PCDHGA7: variants seen among roughly 807,000 people sequenced by gnomAD.
PCDHGA7 encodes protocadherin gamma-A7.
PCDHGA7 carries 44 observed loss-of-function variants against 58.3 expected under a neutral mutation model. The ratio of observed to expected loss-of-function variants is 0.75; its 90% CI spans 0.59 to 0.97. PCDHGA7 has a LOEUF of 0.97. PCDHGA7 is among the 50% of genes least tolerant of loss of function. PCDHGA7 has a pLI of 0.00. For synonymous variants in PCDHGA7, 516 were observed against 504.2 expected, an observed-to-expected ratio of 1.02 and a Z score of -0.31; for missense variants, 1,266 against 1,188.7, an observed-to-expected ratio of 1.06 and a Z score of -0.96.
intron 1 of PCDHGA7, chr5:141,419,646 C>T (rs1433992932): frequency 6.2e-7 from 1 of 1,612,470 alleles, no homozygotes; most frequent in Admixed American, 1.7e-5. Flanking sequence ...GCCGTGGACG[C>T]GGACTCGGGG....
intron 1 of PCDHGA7, chr5:141,393,111 C>T (rs762190466): frequency 1.2e-6 from 2 of 1,613,380 alleles, no homozygotes; most frequent in African/African-American, 2.7e-5. Context: ...CGCTCAGAGC[C>T]CGCGGTGTCT....
chr5:141,400,402 G>T (rs574141234), intron 1 of PCDHGA7: 2 of 1,614,056 alleles, frequency 1.2e-6, no homozygotes, highest in South Asian at 2.2e-5. Context: ...AGGAAAGACG[G>T]AGTTTAATTT....
At chr5:141,390,409 A>C in intron 1 of PCDHGA7, 2 of 1,247,634 alleles carry the variant, frequency 1.6e-6, no homozygotes, top group East Asian at 2.4e-5. Context: ...GGAAAGTTGT[A>C]GTCAGTTAAA....
At chr5:141,402,993 T>C (rs762604393) in intron 1 of PCDHGA7, 3 of 1,613,752 alleles carry the variant, frequency 1.9e-6, no homozygotes, top group Non-Finnish European at 2.5e-6. Context: ...GGAAGATTAG[T>C]CCTGCTATGC....
At position 141,491,539 on chromosome 5, in the gene PCDHGA7, A is replaced by G; in HGVS notation, c.2425-3268A>G. ...GTACATGGAGGTGACGCTGCGGCCC[A>G]CAGACTCGCAGAGCCACTGCTACAG... On this transcript the variant is annotated intron_variant, in intron 1 of 3. Coordinates refer to ENST00000518325, the MANE Select transcript of PCDHGA7 (RefSeq NM_018920.4). This position sits in a 1 kb window ranked among gnomAD's most constrained non-coding sequence, Gnocchi z 6.9. The G allele has an allele frequency of 6.2e-7, 1 of 1,613,968 alleles. No homozygotes were observed. The highest frequency in any genetic ancestry group is 1.1e-5 in the South Asian group (1 of 91,074).
intron 1 of PCDHGA7, chr5:141,430,974 C>G: frequency 6.2e-7 from 1 of 1,613,072 alleles, no homozygotes; most frequent in East Asian, 2.2e-5. Flanking sequence ...AGAGGTAGGA[C>G]GCAGCTTTTC....
At chr5:141,420,218 C>T (rs762476625) in intron 1 of PCDHGA7, 11 of 1,608,290 alleles carry the variant, frequency 6.8e-6, no homozygotes, top group Admixed American at 1.7e-5. Flanking sequence ...AGATAGCATG[C>T]TACTGGCTAG....
Position 141,477,209 on chromosome 5 carries a change from GC to G in PCDHGA7, c.2425-17594del. On this transcript the variant is annotated intron_variant, in intron 1 of 3. Transcript: ENST00000518325. The surrounding 1 kb of genome is among the most constrained non-coding windows in gnomAD (Gnocchi z 4.9). Reference sequence around the variant, plus strand: ...CGTGTACAGCCCAGTACCCGAGGATGCCCCTCTGGGGACTGTCATCGCTTTG... The same window carrying G: ...CGTGTACAGCCCAGTACCCGAGGATGCCCTCTGGGGACTGTCATCGCTTTG... The G allele has an allele frequency of 6.2e-7, 1 of 1,614,194 alleles. No homozygotes were observed. Among genetic ancestry groups the G allele is most frequent in the Non-Finnish European group, 8.5e-7 (1 of 1,180,038 alleles).
In PCDHGA7 at chr5:141,384,121, A is replaced by G. The variant is rs1779757093; in HGVS notation, c.1222A>G (p.Lys408Glu). 2 of 1,609,374 alleles carry G rather than the reference A, an allele frequency of 1.2e-6. No individual in the cohort carries two copies. Among genetic ancestry groups the G allele is most frequent in the African/African-American group, 1.3e-5 (1 of 74,680 alleles). ...TAATTATTATAGATTGGTCACAACC[A>G]AAAACTTGGACCGGGAAACACTCTC... is the stretch of plus-strand genomic sequence containing the variant. Reference protein sequence around the residue: ...IDNYYRLVTTKNLDRETLSLY... With the variant: ...IDNYYRLVTTENLDRETLSLY... Residue 408 changes from lysine (K) to glutamate (E), a missense_variant, in exon 1 of 4, where the codon AAA becomes GAA. Lys to Glu is a moderately conservative substitution (Grantham distance 56). Transcript: ENST00000518325.
At chr5:141,492,560 G>T (rs2099742000) in intron 1 of PCDHGA7, among the ~76,000 whole-genome samples, 1 of 152,156 alleles carries the variant, frequency 6.6e-6, no homozygotes, top group Non-Finnish European at 1.5e-5. Context: ...CCTGGGGGGC[G>T]GCCTGAGCGA....
intron 1 of PCDHGA7, among the ~76,000 whole-genome samples, chr5:141,463,534 C>T (rs866525322): frequency 2.6e-4 from 39 of 148,938 alleles, no homozygotes; most frequent in Admixed American, 7.5e-4. Flanking sequence ...CTAGAAACTC[C>T]GGCTCCCGGG....
chr5:141,385,339 C>T lies in PCDHGA7; in HGVS notation c.2424+16C>T, dbSNP rs1379260130. 1 of 1,570,014 alleles carries T rather than the reference C, an allele frequency of 6.4e-7. No individual in the cohort carries two copies. Among genetic ancestry groups the T allele is most frequent in the African/African-American group, 1.4e-5 (1 of 73,054 alleles). On this transcript the variant is annotated intron_variant, in intron 1 of 3. Transcript: ENST00000518325. ...AAGTATTCAGGTGAGCCCAGCCCTTCCTTTATTTCCATGAGGAATTTATTT... is the reference window on the plus strand; with the variant it reads ...AAGTATTCAGGTGAGCCCAGCCCTTTCTTTATTTCCATGAGGAATTTATTT...
At chr5:141,392,693 C>T (rs1315405629) in intron 1 of PCDHGA7, 5 of 1,161,626 alleles carry the variant, frequency 4.3e-6, no homozygotes, top group Non-Finnish European at 5.8e-6. Context: ...GAAACCCGAC[C>T]CCTGTTTGGA....
chr5:141,400,229 T>C lies in PCDHGA7; in HGVS notation c.2424+14906T>C, dbSNP rs370433551. ...GCCTTGATCTCAGTGCTCTTCCTCCTGGCCGTGATTCTGGCCGTTGCCTTG... is the reference window on the plus strand; with the variant it reads ...GCCTTGATCTCAGTGCTCTTCCTCCCGGCCGTGATTCTGGCCGTTGCCTTG... On this transcript the variant is annotated intron_variant, in intron 1 of 3. Transcript: ENST00000518325. 3.1e-6 allele frequency: 5 copies of C among 1,613,872 alleles called. No individual in the cohort carries two copies. In the African/African-American group the frequency reaches 4.0e-5, roughly 13 times the overall value.
rs1408248560 is a variant in PCDHGA7 at position 141,475,829 on chromosome 5, G to C, written c.2425-18978G>C. On this transcript the variant is annotated intron_variant, in intron 1 of 3. Coordinates refer to ENST00000518325, the MANE Select transcript of PCDHGA7 (RefSeq NM_018920.4). ...AAAGTGAAGTTCCTGGCGCTAGCGC[G>C]TGTCCTGCTCAGAGAGCCCGGCGCT... The C allele has an allele frequency of 1.0e-5, 4 of 386,748 alleles. No individual in the cohort carries two copies. In the South Asian group the frequency reaches 1.4e-4, roughly 14 times the overall value. The allele number at this position is 386,748 out of a possible 1,614,324, so 24.0% of individuals were successfully genotyped here. A position where few individuals can be genotyped will look rare whatever the true frequency, so the allele number is the denominator to read the frequency against.
intron 1 of PCDHGA7, chr5:141,403,588 C>CGGTG (rs773103981): frequency 1.2e-6 from 2 of 1,613,904 alleles, no homozygotes; most frequent in East Asian, 2.2e-5. Flanking sequence ...ACCTGGTCCT[C>CGGTG]ACGGCCTCGG....
chr5:141,472,533 C>A (rs1200612581), intron 1 of PCDHGA7, among the ~76,000 whole-genome samples: 3 of 150,970 alleles, frequency 2.0e-5, no homozygotes, highest in African/African-American at 7.3e-5. Flanking sequence ...GAGTGAGACA[C>A]CATCTCAAGA....
In PCDHGA7 at chr5:141,487,762, T is replaced by C; in HGVS notation, c.2425-7045T>C. 6.5e-7 allele frequency: 1 copy of C among 1,545,432 alleles called. No homozygotes were observed. The highest frequency in any genetic ancestry group is 8.8e-7 in the Non-Finnish European group (1 of 1,142,332). ...TAAGAGGTAACTATGTGGTAGACGC[T>C]GTGCTTTGTAACTGTTTCGTGAATT... On this transcript the variant is annotated intron_variant, in intron 1 of 3. Coordinates refer to ENST00000518325, the MANE Select transcript of PCDHGA7 (RefSeq NM_018920.4). The surrounding 1 kb of genome is among the most constrained non-coding windows in gnomAD (Gnocchi z 5.0).
At chr5:141,502,472 A>T (rs1450967250) in intron 2 of PCDHGA7, among the ~76,000 whole-genome samples, 1 of 150,886 alleles carries the variant, frequency 6.6e-6, no homozygotes, top group Non-Finnish European at 1.5e-5. Flanking sequence ...TACTTCCCGC[A>T]GCATCACACT....
Sources: gnomAD v4.1 joint callset for allele counts (sites outside exome capture counted in the v4.1 genomes callset) on GRCh38, gnomAD v4.1.1 for gene constraint, Gnocchi (gnomAD v3.1) non-coding constraint, MANE v1.5 for transcripts, NCBI Gene and HGNC (gene_info 2026-07-23, HGNC 2026-07-21) for gene names.